Variants in ARNT2 observed in about 807,000 individuals in gnomAD.
ARNT2 encodes the protein ARNT protein 2.
In ARNT2, 36 loss-of-function variants were observed where a neutral mutation model predicts 91.7. The observed-to-expected ratio is 0.39, with a 90% CI of 0.30 to 0.52. The LOEUF (loss-of-function observed/expected upper bound fraction) is 0.52, where lower values mean the gene tolerates loss of function less well. Among genes scored for constraint, ARNT2 ranks in the 20% least tolerant of loss-of-function variants. The pLI, the probability that ARNT2 is intolerant of heterozygous loss-of-function variation, is 0.72. For missense variants in ARNT2, 775 were observed against 939.3 expected (o/e 0.83, Z 2.29); for synonymous variants, 365 against 347.1 (o/e 1.05, Z -0.57).
At chr15:80,435,879 G>T (rs1337607945) in intron 1 of ARNT2, among the ~76,000 whole-genome samples, 1 of 102,134 alleles carries the variant, frequency 9.8e-6, no homozygotes, top group Admixed American at 1.1e-4. Flanking sequence ...AGGAGATATG[G>T]GCAAAAAAAA....
intron 8 of ARNT2, among the ~76,000 whole-genome samples, chr15:80,545,069 G>A (rs1392894243): frequency 6.6e-6 from 1 of 152,178 alleles, no homozygotes; most frequent in African/African-American, 2.4e-5. Context: ...GTCTTCTAAG[G>A]ACACCTCCTA....
At chr15:80,586,691 C>T (rs1893178129) in intron 17 of ARNT2, among the ~76,000 whole-genome samples, 1 of 151,934 alleles carries the variant, frequency 6.6e-6, no homozygotes, top group Non-Finnish European at 1.5e-5. Flanking sequence ...CATGGTGAAA[C>T]GTTGTCTCTA....
chr15:80,489,481 T>G (rs1897022666), intron 5 of ARNT2, among the ~76,000 whole-genome samples: 1 of 152,230 alleles, frequency 6.6e-6, no homozygotes, highest in African/African-American at 2.4e-5. Context: ...TGCAATGAGC[T>G]ATTTACAATG....
chr15:80,474,917 A>G, intron 4 of ARNT2, 93 bp from the exon 5 acceptor site: 2 of 1,261,372 alleles, frequency 1.6e-6, no homozygotes, highest in South Asian at 2.6e-5. Flanking sequence ...AAATATGCAG[A>G]TAAAGGAAAT....
chr15:80,587,205 G>C (rs1405697610), intron 17 of ARNT2, among the ~76,000 whole-genome samples: 1 of 152,162 alleles, frequency 6.6e-6, no homozygotes, highest in African/African-American at 2.4e-5. Context: ...GCCCTTTGGT[G>C]CACCTTGTTA....
At chr15:80,451,961 A>C (rs942788915) in intron 2 of ARNT2, among the ~76,000 whole-genome samples, 1 of 152,208 alleles carries the variant, frequency 6.6e-6, no homozygotes, top group Non-Finnish European at 1.5e-5. Context: ...TTGGGAATGC[A>C]ACTGTCTGGT....
intron 10 of ARNT2, 59 bp from the exon 11 acceptor site, chr15:80,555,006 G>A (rs1255762063): frequency 2.0e-6 from 3 of 1,486,012 alleles, no homozygotes; most frequent in African/African-American, 1.4e-5. Flanking sequence ...GTATCACAGT[G>A]AGTATACAAA....
At chr15:80,552,280 A>G (rs1306297835) in intron 9 of ARNT2, among the ~76,000 whole-genome samples, 2 of 152,206 alleles carry the variant, frequency 1.3e-5, no homozygotes, top group Non-Finnish European at 2.9e-5. Flanking sequence ...CATCCTTAGT[A>G]AAGGGAAGGT....
chr15:80,453,897 A>G (rs1896442315), intron 2 of ARNT2, among the ~76,000 whole-genome samples: 1 of 152,154 alleles, frequency 6.6e-6, no homozygotes, highest in Non-Finnish European at 1.5e-5. Context: ...TGACCTGATT[A>G]TTCTGATGGA....
intron 14 of ARNT2, among the ~76,000 whole-genome samples, chr15:80,576,058 G>T (rs533977414): frequency 2.2e-4 from 33 of 152,220 alleles, no homozygotes; most frequent in African/African-American, 6.7e-4. Context: ...TTTTATTCTC[G>T]CCTTCTTTCT....
intron 1 of ARNT2, among the ~76,000 whole-genome samples, chr15:80,415,538 C>T (rs895609771): frequency 6.6e-6 from 1 of 152,186 alleles, no homozygotes; most frequent in Non-Finnish European, 1.5e-5. Context: ...CTGAAAAGCT[C>T]TCTGGCTGCG....
chr15:80,597,392 C>A lies in ARNT2; in HGVS notation c.*3694C>A. On this transcript the variant is annotated 3_prime_UTR_variant, in exon 19 of 19. Transcript: ENST00000303329. ...ATATTACCAGAAAATATGGGCTTGG[C>A]CTAAGTCGCTGTCTCCTAACCTGCC... 4.3e-6 allele frequency: 2 copies of A among 461,234 alleles called. No homozygotes were observed. Among genetic ancestry groups the A allele is most frequent in the Non-Finnish European group, 4.3e-6 (1 of 230,062 alleles). The allele number at this position is 461,234 out of a possible 1,614,324, so 28.6% of individuals were successfully genotyped here. A position where few individuals can be genotyped will look rare whatever the true frequency, so the allele number is the denominator to read the frequency against.
At chr15:80,513,573 C>T (rs1393944449) in intron 6 of ARNT2, among the ~76,000 whole-genome samples, 1 of 152,138 alleles carries the variant, frequency 6.6e-6, no homozygotes, top group East Asian at 1.9e-4. Flanking sequence ...TTCCTAAAAG[C>T]CATGGAGTTC....
intron 3 of ARNT2, among the ~76,000 whole-genome samples, chr15:80,464,997 T>C (rs1595974487): frequency 6.6e-6 from 1 of 152,212 alleles, no homozygotes; most frequent in African/African-American, 2.4e-5. Flanking sequence ...AAAGGGTCTC[T>C]TCCTACAGTT....
chr15:80,428,811 C>T (rs1007339589), intron 1 of ARNT2, among the ~76,000 whole-genome samples: 2 of 152,218 alleles, frequency 1.3e-5, no homozygotes, highest in African/African-American at 4.8e-5. Flanking sequence ...CTCATATCCA[C>T]GTCTGGTCTC....
At chr15:80,450,825 C>A in intron 1 of ARNT2, 55 bp from the exon 2 acceptor site, 1 of 1,573,182 alleles carries the variant, frequency 6.4e-7, no homozygotes, top group East Asian at 2.2e-5. Context: ...ACTTTCTTGC[C>A]CGTTACTGGG....
chr15:80,431,238 T>C (rs1445317754), intron 1 of ARNT2, among the ~76,000 whole-genome samples: 2 of 152,218 alleles, frequency 1.3e-5, no homozygotes, highest in Non-Finnish European at 2.9e-5. Context: ...CTGTCCTCTC[T>C]GCATGTTCTT....
At chr15:80,520,858 T>G (rs1897533289) in intron 8 of ARNT2, among the ~76,000 whole-genome samples, 1 of 152,194 alleles carries the variant, frequency 6.6e-6, no homozygotes, top group Admixed American at 6.5e-5. Context: ...CGGTAGCACT[T>G]GTGGCTGCAG....
intron 17 of ARNT2, among the ~76,000 whole-genome samples, chr15:80,585,902 C>T (rs780174521): frequency 6.6e-6 from 1 of 152,202 alleles, no homozygotes; most frequent in Non-Finnish European, 1.5e-5. Flanking sequence ...GTCTCTCCAG[C>T]GTCCTCTGCT....
Sources: allele counts gnomAD v4.1 joint callset (sites outside exome capture counted in the v4.1 genomes callset), GRCh38; gene constraint gnomAD v4.1.1; transcripts MANE v1.5; gene names NCBI Gene and HGNC (gene_info 2026-07-23, HGNC 2026-07-21).